The following CRACD variants were observed in gnomAD, a reference collection of about 807,000 sequenced individuals.
The protein encoded by CRACD is capping protein inhibiting regulator of actin dynamics, also known as capping protein-inhibiting regulator of actin dynamics.
Under a neutral mutation model 106.8 loss-of-function variants are expected in CRACD, and 56 were observed. The observed-to-expected ratio is 0.52, with a 90% confidence interval of 0.42 to 0.66. CRACD has a LOEUF of 0.66. CRACD is among the 30% of genes least tolerant of loss of function. The probability of loss-of-function intolerance (pLI) is 0.00; values close to 1 mark genes in which losing one functional copy is unlikely to be tolerated. For missense variants in CRACD, 1,730 were observed against 1,623.2 expected, an observed-to-expected ratio of 1.07 and a Z score of -1.13; for synonymous variants, 754 against 670.8, an observed-to-expected ratio of 1.12 and a Z score of -1.92.
At chr4:56,309,710 C>T (rs560844101) in intron 5 of CRACD, among the ~76,000 whole-genome samples, 14 of 151,994 alleles carry the variant, frequency 9.2e-5, no homozygotes, top group Non-Finnish European at 1.6e-4. Context: ...AAAAATTAGC[C>T]GGATGCGGTG....
chr4:56,277,558 A>G (rs1468729518), intron 3 of CRACD, among the ~76,000 whole-genome samples: 3 of 152,150 alleles, frequency 2.0e-5, no homozygotes, highest in African/African-American at 7.2e-5. Flanking sequence ...ATGATGAAAA[A>G]TGAATGTGAT....
At chr4:56,195,697 T>C (rs1737574186) in intron 2 of CRACD, among the ~76,000 whole-genome samples, 1 of 152,212 alleles carries the variant, frequency 6.6e-6, no homozygotes, top group South Asian at 2.1e-4. Context: ...ATTTTTCTAA[T>C]AAACAACCTC....
chr4:56,198,645 T>C (rs150934665), intron 2 of CRACD, among the ~76,000 whole-genome samples: 12 of 152,242 alleles, frequency 7.9e-5, no homozygotes, highest in East Asian at 3.9e-4. Flanking sequence ...ATTTCACAAG[T>C]ACCATTTTTC....
intron 1 of CRACD, among the ~76,000 whole-genome samples, chr4:56,159,146 G>T (rs1277709299): frequency 6.6e-6 from 1 of 152,240 alleles, no homozygotes; most frequent in Non-Finnish European, 1.5e-5. Context: ...GGAAGGAAAA[G>T]TTACTTAAAG....
chr4:56,167,897 T>C (rs1429124905), intron 1 of CRACD, among the ~76,000 whole-genome samples: 2 of 152,226 alleles, frequency 1.3e-5, no homozygotes, highest in African/African-American at 4.8e-5. Flanking sequence ...ATAAGTCAGT[T>C]AATTTTATTT....
chr4:56,149,221 T>G (rs553384069), intron 1 of CRACD, among the ~76,000 whole-genome samples: 37 of 152,180 alleles, frequency 2.4e-4, no homozygotes, highest in Non-Finnish European at 4.7e-4. Context: ...GCACCACTAC[T>G]GCCACTCTCC....
chr4:56,330,049 C>A lies in CRACD; in HGVS notation c.*2245C>A, dbSNP rs1244350047. On this transcript the variant is annotated 3_prime_UTR_variant, in exon 11 of 11. Transcript: ENST00000682029. ...GTTTAACATTTCATTTCAAAATCAC[C>A]CCAAATTTGCACTAAATACCAATGA... 6.6e-6 allele frequency among the ~76,000 whole-genome samples: 1 copy of A among 152,084 alleles called. No individual in the cohort carries two copies. The highest frequency in any genetic ancestry group is 1.5e-5 in the Non-Finnish European group (1 of 68,004).
chr4:56,081,853 G>A (rs893956837), intron 1 of CRACD, among the ~76,000 whole-genome samples: 5 of 152,140 alleles, frequency 3.3e-5, no homozygotes, highest in Middle Eastern at 3.4e-3. Context: ...GTGCACGCCC[G>A]TAATCCCAGC....
Position 56,082,132 on chromosome 4 carries a change from C to G in CRACD, c.-336+32833C>G, listed in dbSNP as rs141021472. On this transcript the variant is annotated intron_variant, in intron 1 of 10. Transcript: ENST00000682029. ...GGTATGATAGAGTTGCCTCTAGAGA[C>G]TACTTTAGATTGTAAGTCAACATAG... is the stretch of plus-strand genomic sequence containing the variant. Among the ~76,000 whole-genome samples the G allele has an allele frequency of 1.2e-4, 19 of 152,260 alleles. No homozygotes were observed. In the East Asian group the frequency reaches 3.7e-3, roughly 29 times the overall value.
chr4:56,269,072 A>T (rs1742195765), intron 2 of CRACD, among the ~76,000 whole-genome samples: 1 of 152,210 alleles, frequency 6.6e-6, no homozygotes, highest in African/African-American at 2.4e-5. Flanking sequence ...GAAATTCCTG[A>T]AACTGGGTAA....
At chr4:56,286,408 A>G (rs13141350) in intron 3 of CRACD, among the ~76,000 whole-genome samples, 1 of 144,542 alleles carries the variant, frequency 6.9e-6, no homozygotes, top group African/African-American at 2.6e-5. Context: ...AAAAAAAAAC[A>G]CAAAAAACTC....
Position 56,097,217 on chromosome 4 carries a change from A to G in CRACD, c.-336+47918A>G, listed in dbSNP as rs530686887. ...GGGCTTTTGGCTCTATCATCAGCTG[A>G]GAGTGAGGATGGAGGAGGCCCTGTT... On this transcript the variant is annotated intron_variant, in intron 1 of 10. Transcript: ENST00000682029. Among the ~76,000 whole-genome samples, 3 of 152,290 alleles carry G rather than the reference A, an allele frequency of 2.0e-5. No homozygotes were observed. The South Asian group carries it at 6.2e-4, about 32-fold the overall frequency.
At chr4:56,316,759 A>C in intron 8 of CRACD, 70 bp downstream of exon 8, 4 of 1,487,420 alleles carry the variant, frequency 2.7e-6, no homozygotes, top group Non-Finnish European at 2.7e-6. Context: ...GAAGAGATCC[A>C]CACGCAGGTT....
At chr4:56,132,557 T>C (rs974607235) in intron 1 of CRACD, among the ~76,000 whole-genome samples, 1 of 152,172 alleles carries the variant, frequency 6.6e-6, no homozygotes, top group African/African-American at 2.4e-5. Flanking sequence ...CAGGCTGGTC[T>C]CAAATTCTTG....
At chr4:56,123,863 G>C (rs1264566456) in intron 1 of CRACD, among the ~76,000 whole-genome samples, 1 of 152,146 alleles carries the variant, frequency 6.6e-6, no homozygotes, top group Non-Finnish European at 1.5e-5. Flanking sequence ...TTATTTATAA[G>C]TCCAGAATCT....
intron 1 of CRACD, among the ~76,000 whole-genome samples, chr4:56,156,353 G>C (rs1224919040): frequency 6.6e-6 from 1 of 152,212 alleles, no homozygotes; most frequent in Non-Finnish European, 1.5e-5. Context: ...GCCTCCAGCT[G>C]AGTTGGCTGC....
Position 56,316,222 on chromosome 4 carries a change from C to G in CRACD, c.2720C>G (p.Pro907Arg). The G allele has an allele frequency of 6.2e-7, 1 of 1,614,042 alleles. No homozygotes were observed. The highest frequency in any genetic ancestry group is 8.5e-7 in the Non-Finnish European group (1 of 1,179,908). Residue 907 changes from proline to arginine, a missense_variant, in exon 8 of 11, where the codon CCC (proline) becomes CGC (arginine). Pro to Arg is a moderately radical substitution (Grantham distance 103). Transcript: ENST00000682029. ...GCCCTCAAGCATGGTCCATCCCTCC[C>G]CCAAGAGCGGAAGCAAGCCCCTTCC... The part of the protein sequence containing the change: ...GVALKHGPSL[P>R]QERKQAPSTR...
chr4:56,073,480 C>T (rs1264288210), intron 1 of CRACD, among the ~76,000 whole-genome samples: 3 of 152,154 alleles, frequency 2.0e-5, no homozygotes, highest in Admixed American at 6.5e-5. Context: ...TTTTCTAATC[C>T]TAAATTTTCA....
chr4:56,137,490 C>T (rs926498502), intron 1 of CRACD, among the ~76,000 whole-genome samples: 3 of 152,128 alleles, frequency 2.0e-5, no homozygotes, highest in African/African-American at 7.2e-5. Context: ...TCCCAGGGCT[C>T]ACCTCCTTTA....
Sources: allele counts gnomAD v4.1 joint callset (sites outside exome capture counted in the v4.1 genomes callset), GRCh38; gene constraint gnomAD v4.1.1; transcripts MANE v1.5; gene names NCBI Gene and HGNC (gene_info 2026-07-23, HGNC 2026-07-21).